The following IL1RAPL1 variants were observed in gnomAD, a reference collection of about 807,000 sequenced individuals.
IL1RAPL1 encodes the protein interleukin 1 receptor accessory protein like 1.
IL1RAPL1 carries 3 observed loss-of-function variants against 48.4 expected under a neutral mutation model. The ratio of observed to expected loss-of-function variants is 0.06; its 90% CI spans 0.03 to 0.16. The LOEUF (loss-of-function observed/expected upper bound fraction) is 0.16, where lower values mean the gene tolerates loss of function less well. Among genes scored for constraint, IL1RAPL1 ranks in the 10% least tolerant of loss-of-function variants. The probability of loss-of-function intolerance (pLI) is 1.00; values close to 1 mark genes in which losing one functional copy is unlikely to be tolerated. For missense variants in IL1RAPL1, 349 were observed against 530.6 expected (o/e 0.66, Z 3.36); for synonymous variants, 185 against 187.7 (o/e 0.99, Z 0.12).
intron 6 of IL1RAPL1, among the ~76,000 whole-genome samples, chrX:29,862,855 G>A (rs1298796181): frequency 1.9e-5 from 2 of 107,828 alleles, no homozygotes; most frequent in Non-Finnish European, 3.8e-5. Context: ...TGTTCTGATA[G>A]ACTCTCCCGA....
At chrX:29,265,638 C>A (rs1931943548) in intron 2 of IL1RAPL1, among the ~76,000 whole-genome samples, 1 of 70,574 alleles carries the variant, frequency 1.4e-5, no homozygotes, top group East Asian at 5.1e-4. Flanking sequence ...CACCCCACAA[C>A]AGTCCCCAGA....
intron 2 of IL1RAPL1, among the ~76,000 whole-genome samples, chrX:28,837,436 A>G (rs7890924): frequency 0.02 from 2,252 of 110,984 alleles, 70 homozygotes; most frequent in African/African-American, 0.069. Context: ...GTTTTTCAGG[A>G]ACGTTTGTCT....
At chrX:29,803,338 TATGTATATATGTATAC>T (rs1296896199) in intron 6 of IL1RAPL1, among the ~76,000 whole-genome samples, 1 of 59,386 alleles carries the variant, frequency 1.7e-5, no homozygotes, top group Non-Finnish European at 2.9e-5. Context: ...TGTATACACA[TATGTATATATGTATAC>T]ATGTATACAC....
intron 5 of IL1RAPL1, among the ~76,000 whole-genome samples, chrX:29,429,706 C>G (rs1432428815): frequency 1.8e-5 from 2 of 111,133 alleles, no homozygotes; most frequent in Non-Finnish European, 3.8e-5. Context: ...TCTCACCTCT[C>G]TGGCCCCATC....
chrX:29,490,852 G>GTGTGTATA (rs1556022575), intron 5 of IL1RAPL1, among the ~76,000 whole-genome samples: 19 of 93,391 alleles, frequency 2.0e-4, no homozygotes, highest in African/African-American at 7.1e-4. Context: ...GTGTGTGTGT[G>GTGTGTATA]TATATATATA....
At chrX:28,933,306 C>G (rs1241580094) in intron 2 of IL1RAPL1, among the ~76,000 whole-genome samples, 5 of 111,100 alleles carry the variant, frequency 4.5e-5, no homozygotes, top group Non-Finnish European at 7.5e-5. Context: ...TTCTCTCCCC[C>G]ATTGCAGCTC....
At chrX:29,859,803 C>A (rs1221249317) in intron 6 of IL1RAPL1, among the ~76,000 whole-genome samples, 2 of 111,774 alleles carry the variant, frequency 1.8e-5, no homozygotes, top group African/African-American at 6.5e-5. Context: ...AATACTTACA[C>A]AGAAAGGGTC....
At chrX:29,954,461 A>C in intron 9 of IL1RAPL1, 61 bp from the exon 10 acceptor site, 1 of 977,018 alleles carries the variant, frequency 1.0e-6, no homozygotes, top group South Asian at 2.0e-5. Context: ...GCATGTTTTC[A>C]TGTCCTATTG....
At chrX:29,143,340 T>C (rs1328045289) in intron 2 of IL1RAPL1, among the ~76,000 whole-genome samples, 1 of 112,023 alleles carries the variant, frequency 8.9e-6, no homozygotes, top group African/African-American at 3.2e-5. Flanking sequence ...ATACAAAGTG[T>C]TGAGGAGAAT....
chrX:29,326,044 G>T (rs1372798519), intron 3 of IL1RAPL1, among the ~76,000 whole-genome samples: 1 of 112,068 alleles, frequency 8.9e-6, no homozygotes, highest in Non-Finnish European at 1.9e-5. Context: ...CAACATTGAA[G>T]ACTATATTTC....
Position 29,545,790 on chromosome X carries a change from A to G in IL1RAPL1, c.704-122640A>G, listed in dbSNP as rs975862579. ...AATTATGAATAAAGTTGCTATGAACATTCTTGTAACTATTTTTGGTGGACA... is the reference window on the plus strand; with the variant it reads ...AATTATGAATAAAGTTGCTATGAACGTTCTTGTAACTATTTTTGGTGGACA... On this transcript the variant is annotated intron_variant, in intron 5 of 10. Coordinates refer to ENST00000378993, the MANE Select transcript of IL1RAPL1 (RefSeq NM_014271.4). 2.7e-5 allele frequency among the ~76,000 whole-genome samples: 3 copies of G among 112,124 alleles called. No individual in the cohort carries two copies. In the East Asian group the frequency reaches 8.3e-4, roughly 31 times the overall value.
intron 6 of IL1RAPL1, among the ~76,000 whole-genome samples, chrX:29,876,457 G>T (rs1225943636): frequency 9.0e-6 from 1 of 111,572 alleles, no homozygotes; most frequent in Non-Finnish European, 1.9e-5. Context: ...AAGAGGCCTG[G>T]AAAATTGCAG....
chrX:29,221,681 G>A (rs769618302), intron 2 of IL1RAPL1, among the ~76,000 whole-genome samples: 1 of 100,899 alleles, frequency 9.9e-6, no homozygotes, highest in South Asian at 4.6e-4. Flanking sequence ...ACATATGACA[G>A]ACTTCTCCAG....
intron 2 of IL1RAPL1, among the ~76,000 whole-genome samples, chrX:28,932,719 A>C (rs1272691492): frequency 9.9e-6 from 1 of 100,579 alleles, no homozygotes; most frequent in Non-Finnish European, 2.0e-5. Flanking sequence ...TTTTTTTTAC[A>C]TTTTAGCTTA....
At chrX:29,863,097 A>G (rs1260765687) in intron 6 of IL1RAPL1, among the ~76,000 whole-genome samples, 1 of 111,223 alleles carries the variant, frequency 9.0e-6, no homozygotes, top group Non-Finnish European at 1.9e-5. Flanking sequence ...AATGATATAT[A>G]ATGTGAATGC....
rs533275297 is a variant in IL1RAPL1 at position 28,926,966 on chromosome X, A to C, written c.82+137541A>C. 3.6e-5 allele frequency among the ~76,000 whole-genome samples: 4 copies of C among 110,675 alleles called. No individual in the cohort carries two copies. The South Asian group carries it at 1.6e-3, about 43-fold the overall frequency. On this transcript the variant is annotated intron_variant, in intron 2 of 10. Coordinates refer to ENST00000378993, the MANE Select transcript of IL1RAPL1 (RefSeq NM_014271.4). ...GAGTTCAGTGTGTGATCATAGCTTA[A>C]TTACTACAGCCTTGAAATCCTAGGT...
chrX:29,075,701 G>A (rs1405052636), intron 2 of IL1RAPL1, among the ~76,000 whole-genome samples: 2 of 111,517 alleles, frequency 1.8e-5, no homozygotes, highest in Non-Finnish European at 3.8e-5. Flanking sequence ...GTTTAAATGA[G>A]CCAGTCGTCT....
In IL1RAPL1 at chrX:29,342,086, C is replaced by T. The variant is rs770767459; in HGVS notation, c.363-54172C>T. 2.0e-3 allele frequency among the ~76,000 whole-genome samples: 219 copies of T among 107,511 alleles called. 1 individual carries two copies. The highest frequency in any genetic ancestry group is 3.8e-3 in the Non-Finnish European group (196 of 51,993). The allele number at this position is 107,511 out of a possible 115,157, so 93.4% of individuals were successfully genotyped here. A position where few individuals can be genotyped will look rare whatever the true frequency, so the allele number is the denominator to read the frequency against. ...CCTCCCAAAGTGCTGGGATTACAGG[C>T]GTGAGCCACTGCACACGGCCTTGTT... is the stretch of plus-strand genomic sequence containing the variant. On this transcript the variant is annotated intron_variant, in intron 3 of 10. Transcript: ENST00000378993.
intron 1 of IL1RAPL1, among the ~76,000 whole-genome samples, chrX:28,784,025 A>G (rs975941265): frequency 3.6e-5 from 4 of 112,294 alleles, no homozygotes; most frequent in Admixed American, 9.5e-5. Flanking sequence ...TAATTAAAAA[A>G]ACAAATGTAT....
Sources: allele counts gnomAD v4.1 joint callset (sites outside exome capture counted in the v4.1 genomes callset), GRCh38; gene constraint gnomAD v4.1.1; transcripts MANE v1.5; gene names NCBI Gene and HGNC (gene_info 2026-07-23, HGNC 2026-07-21).